The following SUPT3H variants were observed in gnomAD, a reference collection of about 807,000 sequenced individuals.
The protein encoded by SUPT3H is SPT3 homolog, SAGA and STAGA complex component, also known as transcription initiation protein SPT3 homolog.
In SUPT3H, 44 loss-of-function variants were observed where a neutral mutation model predicts 44.3. The ratio of observed to expected loss-of-function variants is 0.99; its 90% CI spans 0.78 to 1.28. The LOEUF is 1.28. Ranked by LOEUF, SUPT3H falls within the 50% of genes most tolerant of loss-of-function variation. The pLI, the probability that SUPT3H is intolerant of heterozygous loss-of-function variation, is 0.00. For synonymous variants in SUPT3H, 124 were observed against 125.6 expected (o/e 0.99, Z 0.09); for missense variants, 380 against 387.1 (o/e 0.98, Z 0.15).
intron 10 of SUPT3H, among the ~76,000 whole-genome samples, chr6:44,850,745 C>CATCCATCTATCT (rs150016642): frequency 1.4e-5 from 2 of 147,438 alleles, no homozygotes; most frequent in African/African-American, 2.5e-5. Context: ...GTTTTATATA[C>CATCCATCTATCT]ATCTATCTAT....
At chr6:44,936,707 C>T (rs1415093156) in intron 9 of SUPT3H, among the ~76,000 whole-genome samples, 1 of 152,008 alleles carries the variant, frequency 6.6e-6, no homozygotes, top group African/African-American at 2.4e-5. Context: ...TTGCTCTGTC[C>T]CCCGGGCTGG....
chr6:45,171,108 C>A (rs1810695405), intron 2 of SUPT3H, among the ~76,000 whole-genome samples: 1 of 152,120 alleles, frequency 6.6e-6, no homozygotes, highest in Non-Finnish European at 1.5e-5. Flanking sequence ...ATGTTATAAG[C>A]ATGTTAGCTA....
rs529134050 is a variant in SUPT3H at position 45,240,278 on chromosome 6, GACA to G, written c.101+124920_101+124922del. On this transcript the variant is annotated intron_variant, in intron 2 of 10. Transcript: ENST00000371459. ...GGTGGAAGAAAACCTGAGGAAAGCGGACAACCTGTCACAACGAGTAATTTAATG... is the reference window on the plus strand; with the variant it reads ...GGTGGAAGAAAACCTGAGGAAAGCGGACCTGTCACAACGAGTAATTTAATG... Among the ~76,000 whole-genome samples, 13 of 152,226 alleles carry G rather than the reference GACA, an allele frequency of 8.5e-5. No homozygotes were observed. The East Asian group carries it at 2.5e-3, about 29-fold the overall frequency.
intron 2 of SUPT3H, among the ~76,000 whole-genome samples, chr6:45,210,296 GGACA>G (rs1161480934): frequency 6.6e-6 from 1 of 152,092 alleles, no homozygotes; most frequent in African/African-American, 2.4e-5. Flanking sequence ...TTTAGACAAA[GGACA>G]GACAGAACTC....
At chr6:44,949,571 AG>A (rs2153472152) in intron 9 of SUPT3H, among the ~76,000 whole-genome samples, 1 of 151,604 alleles carries the variant, frequency 6.6e-6, no homozygotes, top group South Asian at 2.1e-4. Flanking sequence ...AGATATGTAA[AG>A]AACTACAAAC....
At position 44,826,952 on chromosome 6, in the gene SUPT3H, A is replaced by G. The variant is rs902680106; in HGVS notation, c.*2864T>C. Among the ~76,000 whole-genome samples, 4 of 152,208 alleles carry G rather than the reference A, an allele frequency of 2.6e-5. No individual in the cohort carries two copies. Among genetic ancestry groups the G allele is most frequent in the African/African-American group, 9.6e-5 (4 of 41,468 alleles). On this transcript the variant is annotated 3_prime_UTR_variant, in exon 11 of 11. Coordinates refer to ENST00000371459, the MANE Select transcript of SUPT3H (RefSeq NM_003599.4). ...ATTGAAACAGTATTTTTGAATCACA[A>G]CGATTACAATCTAAGAAGGCAGGAA...
intron 2 of SUPT3H, among the ~76,000 whole-genome samples, chr6:45,239,083 G>A (rs945706418): frequency 1.3e-5 from 2 of 152,190 alleles, no homozygotes; most frequent in African/African-American, 2.4e-5. Flanking sequence ...TGCGGAGCTT[G>A]TAGCTGTAAT....
intron 6 of SUPT3H, among the ~76,000 whole-genome samples, chr6:45,000,496 A>G (rs1562233229): frequency 6.6e-6 from 1 of 152,000 alleles, no homozygotes. Flanking sequence ...TGGGACTCAA[A>G]ATCTCCAGGC....
chr6:45,253,522 G>A (rs1270645410), intron 2 of SUPT3H, among the ~76,000 whole-genome samples: 1 of 152,042 alleles, frequency 6.6e-6, no homozygotes. Context: ...TGGGCCCAGT[G>A]GCTCATGGCT....
intron 11 of SUPT3H, chr6:44,809,604 A>C (rs1332166114): frequency 6.6e-6 from 1 of 152,266 alleles, no homozygotes; most frequent in East Asian, 1.9e-4. Flanking sequence ...AGGCATTACA[A>C]ATAACACAAA....
chr6:44,831,020 C>G (rs960515561), intron 10 of SUPT3H, among the ~76,000 whole-genome samples: 33 of 152,168 alleles, frequency 2.2e-4, no homozygotes, highest in African/African-American at 7.2e-4. Context: ...AGACTTAACC[C>G]TTTTAGAAAG....
chr6:45,162,032 T>A (rs1258643634), intron 2 of SUPT3H, among the ~76,000 whole-genome samples: 1 of 150,532 alleles, frequency 6.6e-6, no homozygotes, highest in African/African-American at 2.4e-5. Flanking sequence ...AGAACATGTT[T>A]AAAAAAAAAC....
At chr6:45,058,902 G>A (rs1040768407) in intron 3 of SUPT3H, among the ~76,000 whole-genome samples, 1 of 152,088 alleles carries the variant, frequency 6.6e-6, no homozygotes, top group Non-Finnish European at 1.5e-5. Context: ...CGAATTGCAA[G>A]TGTTTTATAA....
chr6:45,199,386 A>G (rs906806381), intron 2 of SUPT3H, among the ~76,000 whole-genome samples: 1 of 151,260 alleles, frequency 6.6e-6, no homozygotes, highest in Non-Finnish European at 1.5e-5. Context: ...TAGAGCATGA[A>G]TCTCCACAAT....
At chr6:44,987,371 G>A (rs1392164324) in intron 6 of SUPT3H, among the ~76,000 whole-genome samples, 2 of 152,042 alleles carry the variant, frequency 1.3e-5, no homozygotes, top group African/African-American at 4.8e-5. Context: ...CTGAAAATAT[G>A]ATATGTGAGT....
intron 2 of SUPT3H, among the ~76,000 whole-genome samples, chr6:45,339,747 A>G (rs1235638786): frequency 2.6e-5 from 4 of 152,160 alleles, no homozygotes; most frequent in Non-Finnish European, 5.9e-5. Context: ...GTTTTAAATT[A>G]TTTAAAATTT....
intron 10 of SUPT3H, among the ~76,000 whole-genome samples, chr6:44,900,996 A>G (rs1332079486): frequency 6.6e-6 from 1 of 152,148 alleles, no homozygotes; most frequent in African/African-American, 2.4e-5. Context: ...AAACAGAAGG[A>G]ACATCCACAC....
intron 3 of SUPT3H, among the ~76,000 whole-genome samples, chr6:45,024,792 G>A (rs1212184461): frequency 6.6e-6 from 1 of 152,154 alleles, no homozygotes; most frequent in Admixed American, 6.5e-5. Flanking sequence ...CTTAATGTGG[G>A]TGGGCCCCAT....
intron 2 of SUPT3H, among the ~76,000 whole-genome samples, chr6:45,287,318 C>T (rs573126813): frequency 6.6e-6 from 1 of 151,998 alleles, no homozygotes. Flanking sequence ...CTCTGATGTT[C>T]ATAACACCAT....
Sources: gnomAD v4.1 joint callset for allele counts (sites outside exome capture counted in the v4.1 genomes callset) on GRCh38, gnomAD v4.1.1 for gene constraint, MANE v1.5 for transcripts, NCBI Gene and HGNC (gene_info 2026-07-23, HGNC 2026-07-21) for gene names.